WFS1: variants seen among roughly 807,000 people sequenced by gnomAD.
WFS1 encodes wolframin.
In WFS1, 90 loss-of-function variants were observed where a neutral mutation model predicts 68.5. The observed-to-expected ratio is 1.31, with a 90% CI of 1.11 to 1.56. The LOEUF (loss-of-function observed/expected upper bound fraction) is 1.56. WFS1 is among the 40% of genes most tolerant of loss of function. The probability of loss-of-function intolerance (pLI) is 0.00; values close to 1 mark genes in which losing one functional copy is unlikely to be tolerated. For synonymous variants in WFS1, 860 were observed against 540.7 expected, an observed-to-expected ratio of 1.59 and a Z score of -8.19; for missense variants, 1,767 against 1,232.6, an observed-to-expected ratio of 1.43 and a Z score of -6.49.
intron 2 of WFS1, among the ~76,000 whole-genome samples, chr4:6,285,543 C>T (rs1217049836): frequency 1.3e-5 from 2 of 152,232 alleles, no homozygotes; most frequent in Admixed American, 6.5e-5. Context: ...CTCACCCACA[C>T]AGCCTTACCT....
chr4:6,285,097 T>G (rs1169314820), intron 2 of WFS1, among the ~76,000 whole-genome samples: 1 of 151,762 alleles, frequency 6.6e-6, no homozygotes, highest in African/African-American at 2.4e-5. Context: ...ATGCCATCTC[T>G]GAGCAGCGTC....
At position 6,301,705 on chromosome 4, in the gene WFS1, T is replaced by G; in HGVS notation, c.1910T>G (p.Leu637Arg). The G allele has an allele frequency of 1.9e-6, 3 of 1,614,094 alleles. No individual in the cohort carries two copies. Among genetic ancestry groups the G allele is most frequent in the Non-Finnish European group, 2.5e-6 (3 of 1,180,044 alleles). ...CGGAGCTCCATGGTCAAGCTCATCC[T>G]GGTGTGGCTCACGGCCATCGTGCTG... The part of the protein sequence containing the change: ...LTRSSMVKLI[L>R]VWLTAIVLFC... The change falls in exon 8 of 8, where the codon CTG becomes CGG. Residue 637 changes from leucine to arginine, a missense_variant. By Grantham distance (102) the Leu-to-Arg change is moderately radical (BLOSUM62 -2). Coordinates refer to ENST00000226760, the MANE Select transcript of WFS1 (RefSeq NM_006005.3).
In WFS1 at chr4:6,300,672, C is replaced by T; in HGVS notation, c.877C>T (p.Leu293=). ...TTTCCCCCAGGTGGTCAAGTACCCC[C>T]TGCACGCCATCATGGAGATCAAGGA... ...PLRLKVVKYP[L]HAIMEIKEYL... Residue 293 remains leucine (L), a synonymous_variant, in exon 8 of 8, where the codon CTG becomes TTG. Transcript: ENST00000226760. The T allele has an allele frequency of 6.2e-7, 1 of 1,614,014 alleles. No homozygotes were observed. Among genetic ancestry groups the T allele is most frequent in the Non-Finnish European group, 8.5e-7 (1 of 1,179,940 alleles).
At chr4:6,281,133 T>G (rs1341752131) in intron 2 of WFS1, among the ~76,000 whole-genome samples, 1 of 152,086 alleles carries the variant, frequency 6.6e-6, no homozygotes, top group Non-Finnish European at 1.5e-5. Context: ...GGGACACAGA[T>G]GCGGACAGGA....
intron 2 of WFS1, among the ~76,000 whole-genome samples, chr4:6,285,267 G>A (rs1375437963): frequency 1.3e-5 from 2 of 150,514 alleles, no homozygotes; most frequent in African/African-American, 4.9e-5. Context: ...CAGGGACGGG[G>A]ACATCCAGGG....
At chr4:6,286,754 G>C (rs955283847) in intron 2 of WFS1, among the ~76,000 whole-genome samples, 1 of 152,238 alleles carries the variant, frequency 6.6e-6, no homozygotes, top group Non-Finnish European at 1.5e-5. Context: ...TAGAGCCCCA[G>C]CTAGAGCAGG....
chr4:6,292,504 A>T (rs531493994), intron 6 of WFS1, among the ~76,000 whole-genome samples: 4 of 151,954 alleles, frequency 2.6e-5, no homozygotes, highest in African/African-American at 4.8e-5. Flanking sequence ...TGGGGGATAG[A>T]GTCTCTGGGG....
chr4:6,269,899 C>G lies in WFS1; in HGVS notation c.-121C>G, dbSNP rs1025558819. The G allele has an allele frequency of 6.6e-6, 1 of 152,214 alleles. No homozygotes were observed. Among genetic ancestry groups the G allele is most frequent in the Admixed American group, 6.5e-5 (1 of 15,284 alleles). The allele number at this position is 152,214 out of a possible 1,614,324, so 9.4% of individuals were successfully genotyped here. A position where few individuals can be genotyped will look rare whatever the true frequency, so the allele number is the denominator to read the frequency against. ...TCTTCAGCAGCGAGTGCAGATTGCTCCCCCGCGGCCGCAGATCTCCCGTTT... is the reference window on the plus strand; with the variant it reads ...TCTTCAGCAGCGAGTGCAGATTGCTGCCCCGCGGCCGCAGATCTCCCGTTT... On this transcript the variant is annotated 5_prime_UTR_variant, in exon 1 of 8. Transcript: ENST00000226760.
chr4:6,288,427 T>G lies in WFS1; in HGVS notation c.316-560T>G, dbSNP rs1335014425. On this transcript the variant is annotated intron_variant, in intron 3 of 7. Coordinates refer to ENST00000226760, the MANE Select transcript of WFS1 (RefSeq NM_006005.3). ...GGGATTCTTTTTGCAAAGGGCCAGA[T>G]AGTGAATATTCTGGACTCTGCGCAA... is the stretch of plus-strand genomic sequence containing the variant. The G allele has an allele frequency of 2.9e-5, 5 of 171,560 alleles. No homozygotes were observed. In the East Asian group the frequency reaches 7.8e-4, roughly 27 times the overall value. 10.6% of individuals were successfully genotyped at this position (171,560 alleles called of 1,614,324 possible).
intron 1 of WFS1, among the ~76,000 whole-genome samples, chr4:6,272,758 G>T (rs7657752): frequency 6.6e-6 from 1 of 152,146 alleles, no homozygotes; most frequent in African/African-American, 2.4e-5. Context: ...GTTTTCTTCC[G>T]TTTTTTGGCA....
At chr4:6,295,414 C>T (rs937275538) in intron 7 of WFS1, among the ~76,000 whole-genome samples, 5 of 152,114 alleles carry the variant, frequency 3.3e-5, no homozygotes, top group African/African-American at 4.8e-5. Context: ...AAACCAGGGG[C>T]GGTGTTGGGC....
At chr4:6,278,924 C>T (rs1016015852) in intron 2 of WFS1, among the ~76,000 whole-genome samples, 2 of 152,324 alleles carry the variant, frequency 1.3e-5, no homozygotes, top group African/African-American at 4.8e-5. Flanking sequence ...GAGAACAGCC[C>T]GCAAAGGACA....
At position 6,301,639 on chromosome 4, in the gene WFS1, A is replaced by AG; in HGVS notation, c.1846dup (p.Ala616GlyfsTer96). On this transcript the variant is annotated frameshift_variant, in exon 8 of 8. Coordinates refer to ENST00000226760, the MANE Select transcript of WFS1 (RefSeq NM_006005.3). LOFTEE classifies it high-confidence loss of function. ...CCCCTGCTGTTGCGCTGGTGGACCA[A>AG]GGCCAGCTTCTCTGTGGTGGGGATG... is the stretch of plus-strand genomic sequence containing the variant. 2 of 1,614,040 alleles carry AG rather than the reference A, an allele frequency of 1.2e-6. No individual in the cohort carries two copies. The highest frequency in any genetic ancestry group is 2.7e-5 in the African/African-American group (2 of 75,056).
chr4:6,280,331 C>T (rs1578588104), intron 2 of WFS1, among the ~76,000 whole-genome samples: 1 of 152,222 alleles, frequency 6.6e-6, no homozygotes, highest in Non-Finnish European at 1.5e-5. Flanking sequence ...GGGGCCGTTT[C>T]TTCACAGGCA....
intron 2 of WFS1, among the ~76,000 whole-genome samples, chr4:6,278,160 A>C (rs1199170612): frequency 6.6e-6 from 1 of 152,090 alleles, no homozygotes; most frequent in African/African-American, 2.4e-5. Context: ...CTGAGGCGGG[A>C]TGCTGGGGCC....
chr4:6,299,231 C>T (rs996356821), intron 7 of WFS1, among the ~76,000 whole-genome samples: 7 of 152,218 alleles, frequency 4.6e-5, no homozygotes, highest in East Asian at 1.9e-4. Flanking sequence ...TGGGTGGCAG[C>T]GCTGCTTCAC....
chr4:6,302,810 A>G lies in WFS1; in HGVS notation c.*342A>G, dbSNP rs1578614286. 4.8e-6 allele frequency: 2 copies of G among 420,228 alleles called. No individual in the cohort carries two copies. Among genetic ancestry groups the G allele is most frequent in the East Asian group, 4.5e-5 (1 of 22,196 alleles). 26.0% of individuals were successfully genotyped at this position (420,228 alleles called of 1,614,324 possible). On this transcript the variant is annotated 3_prime_UTR_variant, in exon 8 of 8. Transcript: ENST00000226760. ...GATTCCCTCTCCTCCCCCACCTTCA[A>G]GCACCCTGTTCCCTCTTTCTTTCTT...
chr4:6,296,676 C>G (rs940147941), intron 7 of WFS1, among the ~76,000 whole-genome samples: 4 of 152,208 alleles, frequency 2.6e-5, no homozygotes, highest in African/African-American at 9.6e-5. Flanking sequence ...ACCCTTGGGC[C>G]AGGCGGCCAT....
intron 1 of WFS1, 127 bp from the exon 2 acceptor site, chr4:6,277,324 G>A (rs1730023384): frequency 1.3e-5 from 12 of 909,026 alleles, no homozygotes; most frequent in Admixed American, 6.1e-5. Flanking sequence ...GAGTGTCAGC[G>A]AGATCCTGTA....
Sources: allele counts gnomAD v4.1 joint callset (sites outside exome capture counted in the v4.1 genomes callset), GRCh38; gene constraint gnomAD v4.1.1; transcripts MANE v1.5; gene names NCBI Gene and HGNC (gene_info 2026-07-23, HGNC 2026-07-21).